Variants in KIF25 observed in about 807,000 individuals in gnomAD.
KIF25 encodes the protein kinesin-like protein KIF25.
Under a neutral mutation model 32.9 loss-of-function variants are expected in KIF25, and 19 were observed. That is an observed-to-expected ratio of 0.58 (90% CI 0.40 to 0.85). The LOEUF (loss-of-function observed/expected upper bound fraction) is 0.85. KIF25 is among the 40% of genes least tolerant of loss of function. The pLI is 0.00. For synonymous variants in KIF25, 225 were observed against 213.7 expected, an observed-to-expected ratio of 1.05 and a Z score of -0.46; for missense variants, 485 against 507.0, an observed-to-expected ratio of 0.96 and a Z score of 0.42.
chr6:168,030,942 C>T lies in KIF25; in HGVS notation c.167+95C>T. On this transcript the variant is annotated intron_variant, in intron 7 of 12. Coordinates refer to ENST00000643607, the MANE Select transcript of KIF25 (RefSeq NM_030615.4). ...TGGAGTGAGAATGTAGCATTAGAGT[C>T]TGAGCATTCTACAGCACTGCAGAGC... The T allele has an allele frequency of 6.0e-6, 6 of 995,652 alleles. No individual in the cohort carries two copies. In the South Asian group the frequency reaches 9.2e-5, roughly 15 times the overall value. 61.7% of individuals were successfully genotyped at this position (995,652 alleles called of 1,614,324 possible). A position where few individuals can be genotyped will look rare whatever the true frequency, so the allele number is the denominator to read the frequency against.
At chr6:168,027,515 TG>T (rs1798879411) in intron 5 of KIF25, among the ~76,000 whole-genome samples, 1 of 145,616 alleles carries the variant, frequency 6.9e-6, no homozygotes, top group African/African-American at 2.5e-5. Context: ...GATTCCAGGT[TG>T]GGGGGAAAAT....
chr6:168,032,087 C>T (rs1054018421), intron 7 of KIF25, among the ~76,000 whole-genome samples: 1 of 152,224 alleles, frequency 6.6e-6, no homozygotes, highest in Non-Finnish European at 1.5e-5. Flanking sequence ...GTAGCAGCTT[C>T]AGAGAGAACA....
chr6:168,007,342 C>G (rs892674034), intron 4 of KIF25, among the ~76,000 whole-genome samples: 1 of 152,148 alleles, frequency 6.6e-6, no homozygotes, highest in African/African-American at 2.4e-5. Context: ...ATCCGGGAGG[C>G]AGAGGCTGCA....
At chr6:168,039,995 A>G in intron 9 of KIF25, 70 bp from the exon 10 acceptor site, 1 of 1,511,870 alleles carries the variant, frequency 6.6e-7, no homozygotes, top group Non-Finnish European at 8.9e-7. Context: ...TGAGCCGAGG[A>G]GTCTTGGAAG....
rs1798981184 is a variant in KIF25 at position 168,034,035 on chromosome 6, C to T, written c.317+4C>T. The T allele has an allele frequency of 6.2e-7, 1 of 1,614,080 alleles. No individual in the cohort carries two copies. The highest frequency in any genetic ancestry group is 8.5e-7 in the Non-Finnish European group (1 of 1,179,958). On this transcript the variant is annotated splice_donor_region_variant and intron_variant, in intron 8 of 12. Transcript: ENST00000643607. ...GAGTGGCTGAGGAGCTCTTCAGGTA[C>T]TGCCGATGGTGATGAGTGGGGCAGA...
chr6:168,034,093 C>G, intron 8 of KIF25, 62 bp downstream of exon 8: 1 of 1,576,606 alleles, frequency 6.3e-7, no homozygotes, highest in Non-Finnish European at 8.7e-7. Flanking sequence ...CGGTCAGCAC[C>G]TTGGTTATCA....
At chr6:168,022,048 T>A (rs1016923131) in intron 5 of KIF25, among the ~76,000 whole-genome samples, 8 of 152,228 alleles carry the variant, frequency 5.3e-5, no homozygotes, top group African/African-American at 1.9e-4. Flanking sequence ...TTTGAATTAA[T>A]GTCATTCTTT....
intron 12 of KIF25, among the ~76,000 whole-genome samples, 177 bp from the exon 13 acceptor site, chr6:168,044,650 G>A (rs113232203): frequency 1.3e-5 from 2 of 152,042 alleles, no homozygotes; most frequent in Non-Finnish European, 1.5e-5. Flanking sequence ...GCTAGTGACC[G>A]GCTGCTGACC....
intron 6 of KIF25, 76 bp from the exon 7 acceptor site, chr6:168,030,697 C>T: frequency 9.0e-7 from 1 of 1,116,752 alleles, no homozygotes; most frequent in Non-Finnish European, 1.3e-6. Context: ...CGTTGTGTTC[C>T]CAGGTTTCTG....
chr6:168,031,697 T>A (rs543583383), intron 7 of KIF25, among the ~76,000 whole-genome samples: 1 of 152,356 alleles, frequency 6.6e-6, no homozygotes, highest in East Asian at 1.9e-4. Context: ...TAAGTAGGCA[T>A]CTTTTAAGTA....
chr6:168,032,532 G>A (rs1177991016), intron 7 of KIF25, among the ~76,000 whole-genome samples: 5 of 152,202 alleles, frequency 3.3e-5, no homozygotes, highest in African/African-American at 1.2e-4. Flanking sequence ...GATCAGCTTG[G>A]CGGGAGCTTG....
Position 168,005,107 on chromosome 6 carries a change from G to A in KIF25, c.-163+1404G>A, listed in dbSNP as rs549088887. ...TGTGCACGAGCCACCTGTCACAGGC[G>A]AGCTTGGCGTGCACGAGCCGACTGT... On this transcript the variant is annotated intron_variant, in intron 4 of 12. Transcript: ENST00000643607. 1.8e-4 allele frequency among the ~76,000 whole-genome samples: 27 copies of A among 152,038 alleles called. No individual in the cohort carries two copies. The South Asian group carries it at 3.3e-3, about 19-fold the overall frequency.
At chr6:168,038,523 T>G (rs752419076) in intron 8 of KIF25, 30 bp from the exon 9 acceptor site, 2 of 1,610,864 alleles carry the variant, frequency 1.2e-6, no homozygotes, top group South Asian at 2.2e-5. Context: ...TGAGACTTTC[T>G]GTAAGTTTCT....
chr6:168,022,447 A>T (rs1457002475), intron 5 of KIF25, among the ~76,000 whole-genome samples: 2 of 151,994 alleles, frequency 1.3e-5, no homozygotes, highest in African/African-American at 4.8e-5. Context: ...TTTTTTAGTG[A>T]CAGACTCTCA....
At chr6:168,005,031 C>T (rs546015881) in intron 4 of KIF25, among the ~76,000 whole-genome samples, 1 of 152,288 alleles carries the variant, frequency 6.6e-6, no homozygotes, top group African/African-American at 2.4e-5. Context: ...GGCAGGAGGA[C>T]ACAGTAGAAT....
intron 10 of KIF25, among the ~76,000 whole-genome samples, chr6:168,040,719 G>A (rs1799107295): frequency 6.6e-6 from 1 of 151,776 alleles, no homozygotes; most frequent in African/African-American, 2.4e-5. Context: ...AGAAGAAAAA[G>A]TGAGAGTGGG....
At chr6:168,015,615 C>A (rs1191259902) in intron 4 of KIF25, among the ~76,000 whole-genome samples, 3 of 152,092 alleles carry the variant, frequency 2.0e-5, no homozygotes, top group African/African-American at 7.2e-5. Context: ...AGGATGCTGT[C>A]AAGAGCTTGA....
Position 168,040,083 on chromosome 6 carries a change from G to A in KIF25, c.513G>A (p.Ser171=), listed in dbSNP as rs146483835. The change falls in exon 10 of 13, where the codon TCG becomes TCA. Residue 171 remains serine, a synonymous_variant. Coordinates refer to ENST00000643607, the MANE Select transcript of KIF25 (RefSeq NM_030615.4). ...LLASEAVGSA[S]KLMELVHGGL... is the part of the protein sequence containing the mutation. ...TCTGTAGGGCTGTCGGCAGCGCCTC[G>A]AAACTGATGGAGCTCGTTCATGGAG... 93 of 1,613,334 alleles carry A rather than the reference G, an allele frequency of 5.8e-5. No homozygotes were observed. The African/African-American group carries it at 7.7e-4, about 13-fold the overall frequency.
chr6:168,010,447 T>A (rs2114873161), intron 4 of KIF25, among the ~76,000 whole-genome samples: 1 of 152,278 alleles, frequency 6.6e-6, no homozygotes, highest in South Asian at 2.1e-4. Flanking sequence ...ATGTTCCTCT[T>A]GTTATTGATG....
Sources: gnomAD v4.1 joint callset for allele counts (sites outside exome capture counted in the v4.1 genomes callset) on GRCh38, gnomAD v4.1.1 for gene constraint, MANE v1.5 for transcripts, NCBI Gene and HGNC (gene_info 2026-07-23, HGNC 2026-07-21) for gene names.